NSUN3: variants seen among roughly 807,000 people sequenced by gnomAD.
The protein encoded by NSUN3 is tRNA (cytosine(34)-C(5))-methyltransferase, mitochondrial.
NSUN3 carries 24 observed loss-of-function variants against 36.8 expected under a neutral mutation model. The ratio of observed to expected loss-of-function variants is 0.65; its 90% CI spans 0.47 to 0.92. The LOEUF (loss-of-function observed/expected upper bound fraction) is 0.92. Among genes scored for constraint, NSUN3 ranks in the 40% least tolerant of loss-of-function variants. NSUN3 has a pLI of 0.00. For synonymous variants in NSUN3, 146 were observed against 145.2 expected, an observed-to-expected ratio of 1.01 and a Z score of -0.04; for missense variants, 381 against 392.8, an observed-to-expected ratio of 0.97 and a Z score of 0.25.
intron 5 of NSUN3, among the ~76,000 whole-genome samples, chr3:94,105,675 A>G (rs937007840): frequency 6.6e-6 from 1 of 152,076 alleles, no homozygotes; most frequent in Non-Finnish European, 1.5e-5. Context: ...ATCTAGCTAG[A>G]GGCAGGGTAT....
chr3:94,126,639 T>G lies in NSUN3; in HGVS notation c.*149T>G, dbSNP rs1014849041. 2.9e-6 allele frequency: 2 copies of G among 680,624 alleles called. No homozygotes were observed. Among genetic ancestry groups the G allele is most frequent in the Non-Finnish European group, 4.8e-6 (2 of 416,840 alleles). The allele number at this position is 680,624 out of a possible 1,614,324, so 42.2% of individuals were successfully genotyped here. A position where few individuals can be genotyped will look rare whatever the true frequency, so the allele number is the denominator to read the frequency against. ...ACTTTAGCATCTTAGAATCTAGGCT[T>G]GAGAATTGTTCAGGTGTATTTTTTT... On this transcript the variant is annotated 3_prime_UTR_variant, in exon 6 of 6. Transcript: ENST00000314622.
At chr3:94,111,743 A>G (rs926007049) in intron 5 of NSUN3, among the ~76,000 whole-genome samples, 3 of 151,942 alleles carry the variant, frequency 2.0e-5, no homozygotes, top group Non-Finnish European at 2.9e-5. Context: ...CATGTGTGGA[A>G]CTGTCATCTA....
At chr3:94,095,316 G>T (rs1032906873) in intron 5 of NSUN3, among the ~76,000 whole-genome samples, 162 bp downstream of exon 5, 2 of 152,038 alleles carry the variant, frequency 1.3e-5, no homozygotes, top group African/African-American at 4.8e-5. Context: ...CCCCTTTATC[G>T]CTCATACTGT....
chr3:94,068,067 A>C (rs371686627), intron 2 of NSUN3, among the ~76,000 whole-genome samples: 6 of 152,186 alleles, frequency 3.9e-5, no homozygotes, highest in African/African-American at 1.4e-4. Flanking sequence ...GTGTGGGTTC[A>C]AATCCCACCT....
chr3:94,110,922 G>T (rs912080287), intron 5 of NSUN3, among the ~76,000 whole-genome samples: 1 of 152,100 alleles, frequency 6.6e-6, no homozygotes, highest in Non-Finnish European at 1.5e-5. Context: ...TGGATTGTGA[G>T]GTTGAAGATT....
At chr3:94,073,423 T>G (rs1196583413) in intron 2 of NSUN3, among the ~76,000 whole-genome samples, 2 of 152,202 alleles carry the variant, frequency 1.3e-5, no homozygotes, top group Non-Finnish European at 2.9e-5. Flanking sequence ...CCACCAACAG[T>G]GTAAAAGTGT....
chr3:94,114,773 C>T (rs2107269641), intron 5 of NSUN3, among the ~76,000 whole-genome samples: 1 of 152,288 alleles, frequency 6.6e-6, no homozygotes, highest in East Asian at 1.9e-4. Flanking sequence ...TGCCCTCTCC[C>T]TTCTAGTAGT....
intron 2 of NSUN3, among the ~76,000 whole-genome samples, chr3:94,075,298 AAAC>A (rs938832523): frequency 1.3e-5 from 2 of 152,146 alleles, no homozygotes; most frequent in African/African-American, 4.8e-5. Context: ...GACAGGAAAG[AAAC>A]AACATGAAAA....
At position 94,125,933 on chromosome 3, in the gene NSUN3, G is replaced by A. The variant is rs775433869; in HGVS notation, c.744-278G>A. ...AAATTAGCTGGGCATGGTGGAGGCC[G>A]CCTGTAATCCCAGCTACTTGGGAGG... On this transcript the variant is annotated intron_variant, in intron 5 of 5. Coordinates refer to ENST00000314622, the MANE Select transcript of NSUN3 (RefSeq NM_022072.5). Among the ~76,000 whole-genome samples the A allele has an allele frequency of 5.9e-5, 9 of 151,974 alleles. No individual in the cohort carries two copies. In the East Asian group the frequency reaches 1.2e-3, roughly 20 times the overall value.
chr3:94,085,293 C>T (rs1448669646), intron 3 of NSUN3: 1 of 152,074 alleles, frequency 6.6e-6, no homozygotes, highest in Non-Finnish European at 1.5e-5. Context: ...CAATTTTTTT[C>T]TTAATAATTT....
intron 5 of NSUN3, 44 bp from the exon 6 acceptor site, chr3:94,126,167 T>C (rs952085138): frequency 2.6e-6 from 4 of 1,544,934 alleles, no homozygotes; most frequent in Admixed American, 3.8e-5. Flanking sequence ...GGTTTCTTTT[T>C]AATATACTTA....
At chr3:94,068,456 T>C (rs1560028375) in intron 2 of NSUN3, among the ~76,000 whole-genome samples, 1 of 152,310 alleles carries the variant, frequency 6.6e-6, no homozygotes, top group South Asian at 2.1e-4. Context: ...ACCAATACCT[T>C]GAGACTTGGG....
At chr3:94,069,911 TC>T (rs1346536199) in intron 2 of NSUN3, among the ~76,000 whole-genome samples, 1 of 152,204 alleles carries the variant, frequency 6.6e-6, no homozygotes, top group African/African-American at 2.4e-5. Flanking sequence ...TAGTTTAGCT[TC>T]ATTAACTGTT....
intron 2 of NSUN3, chr3:94,081,906 G>A (rs1194826171): frequency 1.3e-5 from 2 of 152,126 alleles, no homozygotes; most frequent in African/African-American, 4.8e-5. Flanking sequence ...TATAAATTAT[G>A]TTTAACTGAA....
At chr3:94,069,838 G>C (rs80140734) in intron 2 of NSUN3, among the ~76,000 whole-genome samples, 2,576 of 152,248 alleles carry the variant, frequency 0.017, 35 homozygotes, top group Non-Finnish European at 0.026. Context: ...ATAAGTCAAG[G>C]CTCCCATATA....
chr3:94,124,177 G>T (rs1197433427), intron 5 of NSUN3, among the ~76,000 whole-genome samples: 1 of 120,748 alleles, frequency 8.3e-6, no homozygotes, highest in African/African-American at 3.2e-5. Flanking sequence ...TTTTGAGATG[G>T]AGTCTCACTC....
intron 3 of NSUN3, among the ~76,000 whole-genome samples, chr3:94,090,747 C>T (rs576008012): frequency 1.3e-5 from 2 of 152,208 alleles, no homozygotes; most frequent in East Asian, 3.9e-4. Flanking sequence ...CAGTGGGAAC[C>T]TTGAAGGTAA....
chr3:94,065,359 A>G (rs1329507344), intron 2 of NSUN3, among the ~76,000 whole-genome samples: 4 of 152,338 alleles, frequency 2.6e-5, no homozygotes, highest in East Asian at 3.9e-4. Context: ...GGTGACTTAG[A>G]GGAGTTACTT....
At position 94,126,320 on chromosome 3, in the gene NSUN3, A is replaced by G. The variant is rs995219394; in HGVS notation, c.853A>G (p.Asn285Asp). ...CAGTGAAATTTTAAACTCCCACGGT[A>G]ACATCATGCCTATGGACATTAAAGG... Reference protein sequence around the residue: ...VISEILNSHGNIMPMDIKGIA... With the variant: ...VISEILNSHGDIMPMDIKGIA... Residue 285 changes from asparagine to aspartate, a missense_variant, in exon 6 of 6, where the codon AAC (asparagine) becomes GAC (aspartate). Transcript: ENST00000314622. 2 of 1,614,148 alleles carry G rather than the reference A, an allele frequency of 1.2e-6. No homozygotes were observed. The highest frequency in any genetic ancestry group is 1.7e-5 in the Admixed American group (1 of 60,006).
Sources: gnomAD v4.1 joint callset for allele counts (sites outside exome capture counted in the v4.1 genomes callset) on GRCh38, gnomAD v4.1.1 for gene constraint, MANE v1.5 for transcripts, NCBI Gene and HGNC (gene_info 2026-07-23, HGNC 2026-07-21) for gene names.